Variants in TNFSF11 observed in about 807,000 individuals in gnomAD.
TNFSF11 encodes the protein TNF superfamily member 11, also known as tumor necrosis factor ligand superfamily member 11.
TNFSF11 carries 12 observed loss-of-function variants against 32.2 expected under a neutral mutation model. That is an observed-to-expected ratio of 0.37 (90% CI 0.24 to 0.60). The LOEUF (loss-of-function observed/expected upper bound fraction) is 0.60, where lower values mean the gene tolerates loss of function less well. Among genes scored for constraint, TNFSF11 ranks in the 20% least tolerant of loss-of-function variants. TNFSF11 has a pLI of 0.66. For synonymous variants in TNFSF11, 172 were observed against 152.1 expected (o/e 1.13, Z -0.96); for missense variants, 345 against 398.0 (o/e 0.87, Z 1.13).
intron 1 of TNFSF11, among the ~76,000 whole-genome samples, chr13:42,578,829 A>G (rs1358979993): frequency 2.0e-5 from 3 of 152,244 alleles, no homozygotes; most frequent in Admixed American, 6.5e-5. Flanking sequence ...ATCAGTAACC[A>G]TTATTAACTG....
intron 2 of TNFSF11, among the ~76,000 whole-genome samples, chr13:42,598,086 A>G (rs1231828705): frequency 6.6e-6 from 1 of 152,092 alleles, no homozygotes; most frequent in Non-Finnish European, 1.5e-5. Context: ...GGCTCAAGTG[A>G]TCCTCCCACC....
At chr13:42,600,344 T>C (rs1869099629) in intron 2 of TNFSF11, among the ~76,000 whole-genome samples, 1 of 152,220 alleles carries the variant, frequency 6.6e-6, no homozygotes, top group Non-Finnish European at 1.5e-5. Flanking sequence ...AATTCACTAA[T>C]GAAATAGACA....
intron 2 of TNFSF11, among the ~76,000 whole-genome samples, chr13:42,596,779 C>T (rs549840717): frequency 6.6e-6 from 1 of 152,218 alleles, no homozygotes; most frequent in Non-Finnish European, 1.5e-5. Flanking sequence ...TGAGATGTCA[C>T]CAAACAACTA....
intron 1 of TNFSF11, among the ~76,000 whole-genome samples, chr13:42,563,197 C>G (rs1872735694): frequency 6.6e-6 from 1 of 152,208 alleles, no homozygotes; most frequent in Non-Finnish European, 1.5e-5. Flanking sequence ...GGCTCCCCTT[C>G]CCATGGTAAA....
At chr13:42,585,403 C>T (rs1028687091) in intron 2 of TNFSF11, among the ~76,000 whole-genome samples, 1 of 152,056 alleles carries the variant, frequency 6.6e-6, no homozygotes, top group African/African-American at 2.4e-5. Context: ...TGGTGTTTAC[C>T]CAACATGTCT....
chr13:42,572,414 C>T (rs1250681273), upstream of TNFSF11, among the ~76,000 whole-genome samples: 1 of 152,042 alleles, frequency 6.6e-6, no homozygotes, highest in African/African-American at 2.4e-5. Context: ...AATCTTTGAT[C>T]CCAATCAATA....
intron 1 of TNFSF11, among the ~76,000 whole-genome samples, chr13:42,580,557 G>A (rs1342759033): frequency 2.0e-5 from 3 of 152,080 alleles, no homozygotes; most frequent in Non-Finnish European, 1.5e-5. Context: ...CAGATGACAC[G>A]TCTGACTTCA....
intron 2 of TNFSF11, among the ~76,000 whole-genome samples, chr13:42,597,170 T>C (rs1868854225): frequency 3.6e-5 from 1 of 27,562 alleles, no homozygotes; most frequent in South Asian, 2.8e-3. Context: ...CTTTGTACCT[T>C]GAGGTTATAG....
chr13:42,599,380 C>CTATT (rs1555310755), intron 2 of TNFSF11, among the ~76,000 whole-genome samples: 107 of 151,532 alleles, frequency 7.1e-4, no homozygotes, highest in Non-Finnish European at 1.3e-3. Flanking sequence ...ATCTATCTAT[C>CTATT]TATCTGTCTA....
intron 2 of TNFSF11, among the ~76,000 whole-genome samples, chr13:42,591,277 A>G (rs1868457605): frequency 6.6e-6 from 1 of 152,148 alleles, no homozygotes. Context: ...TAAGTTACAA[A>G]TTTAAGGTGA....
chr13:42,575,609 A>G (rs566287201), intron 1 of TNFSF11, among the ~76,000 whole-genome samples: 1 of 152,302 alleles, frequency 6.6e-6, no homozygotes, highest in African/African-American at 2.4e-5. Context: ...ACATGTGCCA[A>G]TGTCTCGAAC....
At chr13:42,587,833 T>A (rs1381324909) in intron 2 of TNFSF11, among the ~76,000 whole-genome samples, 1 of 152,252 alleles carries the variant, frequency 6.6e-6, no homozygotes, top group Non-Finnish European at 1.5e-5. Context: ...ATTTTTGAAC[T>A]AATGTAAATA....
chr13:42,586,279 T>G (rs910314466), intron 2 of TNFSF11, among the ~76,000 whole-genome samples: 1 of 152,174 alleles, frequency 6.6e-6, no homozygotes, highest in Non-Finnish European at 1.5e-5. Flanking sequence ...TAGTTTATTC[T>G]CAGGAATGAA....
intron 2 of TNFSF11, among the ~76,000 whole-genome samples, chr13:42,593,290 G>T (rs973553119): frequency 6.6e-6 from 1 of 152,174 alleles, no homozygotes; most frequent in African/African-American, 2.4e-5. Flanking sequence ...TATTACACAG[G>T]CCCAGTTATG....
chr13:42,589,989 C>G (rs1178784066), intron 2 of TNFSF11, among the ~76,000 whole-genome samples: 1 of 152,230 alleles, frequency 6.6e-6, no homozygotes, highest in Admixed American at 6.5e-5. Flanking sequence ...TGCCCGCCCA[C>G]CCACCTGTGG....
upstream of TNFSF11, among the ~76,000 whole-genome samples, chr13:42,573,476 G>T (rs1873143248): frequency 6.6e-6 from 1 of 152,084 alleles, no homozygotes; most frequent in South Asian, 2.1e-4. Context: ...TGACTGTTGG[G>T]TGAGCCCTCC....
intron 1 of TNFSF11, among the ~76,000 whole-genome samples, chr13:42,579,429 A>AAG (rs1481176294): frequency 6.6e-6 from 1 of 151,368 alleles, no homozygotes; most frequent in Non-Finnish European, 1.5e-5. Flanking sequence ...AAAAAAAAAA[A>AAG]AAGGAAAAGA....
chr13:42,565,776 AGTT>A (rs368545106), intron 1 of TNFSF11, among the ~76,000 whole-genome samples: 61 of 152,320 alleles, frequency 4.0e-4, no homozygotes, highest in African/African-American at 1.4e-3. Context: ...TTATACATCC[AGTT>A]GTTCGTGATA....
chr13:42,588,378 A>C (rs978277160), intron 2 of TNFSF11, among the ~76,000 whole-genome samples: 2 of 152,208 alleles, frequency 1.3e-5, no homozygotes, highest in Non-Finnish European at 2.9e-5. Flanking sequence ...TTTGTGTTAC[A>C]AGTACCCCAG....
Sources: allele counts gnomAD v4.1 joint callset (sites outside exome capture counted in the v4.1 genomes callset), GRCh38; gene constraint gnomAD v4.1.1; transcripts MANE v1.5; gene names NCBI Gene and HGNC (gene_info 2026-07-23, HGNC 2026-07-21).